Variants in PKD1L1 observed in about 807,000 individuals in gnomAD.
PKD1L1 encodes polycystin-1-like protein 1.
In PKD1L1, 236 loss-of-function variants were observed where a neutral mutation model predicts 323.4. The ratio of observed to expected loss-of-function variants is 0.73; its 90% CI spans 0.66 to 0.81. The LOEUF is 0.81. Ranked by LOEUF, PKD1L1 falls within the 40% of genes least tolerant of loss-of-function variation. PKD1L1 has a pLI of 0.00. For synonymous variants in PKD1L1, 1,344 were observed against 1,335.0 expected (o/e 1.01, Z -0.15); for missense variants, 3,320 against 3,508.0 (o/e 0.95, Z 1.35).
intron 54 of PKD1L1, among the ~76,000 whole-genome samples, chr7:47,796,949 G>T (rs868782560): frequency 6.7e-6 from 1 of 149,280 alleles, no homozygotes; most frequent in African/African-American, 2.5e-5. Flanking sequence ...GCAGTGAGCA[G>T]AGATTGCGCC....
intron 4 of PKD1L1, among the ~76,000 whole-genome samples, chr7:47,934,549 C>T (rs1050450882): frequency 7.9e-5 from 12 of 152,248 alleles, no homozygotes; most frequent in Admixed American, 4.6e-4. Context: ...CCTTTTATAT[C>T]CCTTTAGTTC....
chr7:47,830,404 G>C (rs976839946), intron 42 of PKD1L1, among the ~76,000 whole-genome samples: 2 of 152,244 alleles, frequency 1.3e-5, no homozygotes, highest in Admixed American at 6.5e-5. Flanking sequence ...AGAGGGGAAG[G>C]GGGAGGAAAA....
At position 47,871,794 on chromosome 7, in the gene PKD1L1, T is replaced by G. The variant is rs533574354; in HGVS notation, c.3896+2105A>C. On this transcript the variant is annotated intron_variant, in intron 24 of 56. Transcript: ENST00000289672. The stretch of plus-strand genomic sequence containing the variant: ...CATCCTCAATCTGATAACGGTTGTC[T>G]GTGAACGACCTCTAGCTAATATTAA... Among the ~76,000 whole-genome samples, 84 of 152,336 alleles carry G rather than the reference T, an allele frequency of 5.5e-4. 1 individual carries two copies. In the South Asian group the frequency reaches 0.016, roughly 30 times the overall value.
rs1301113252 is a variant in PKD1L1, at chr7:47,919,790, GA to G, written c.1061-4192del. On this transcript the variant is annotated intron_variant, in intron 7 of 56. Transcript: ENST00000289672. ...TCACATGATCATCTCAATAGATGCA[GA>G]AAAAGCATTCAACAAAATCCAGCAT... 3.3e-5 allele frequency among the ~76,000 whole-genome samples: 5 copies of G among 152,254 alleles called. No homozygotes were observed. In the East Asian group the frequency reaches 9.6e-4, roughly 29 times the overall value.
chr7:47,919,261 A>G (rs1787489633), intron 7 of PKD1L1, among the ~76,000 whole-genome samples: 1 of 152,176 alleles, frequency 6.6e-6, no homozygotes, highest in African/African-American at 2.4e-5. Flanking sequence ...ACACACATAA[A>G]CTAGAAAACC....
chr7:47,920,966 C>T (rs1302153563), intron 7 of PKD1L1, among the ~76,000 whole-genome samples: 1 of 152,138 alleles, frequency 6.6e-6, no homozygotes, highest in Non-Finnish European at 1.5e-5. Flanking sequence ...AAAAACCCTT[C>T]TAGACATTGG....
the PKD1L1 span, among the ~76,000 whole-genome samples, chr7:47,959,865 G>A: frequency 1.3e-5 from 2 of 151,234 alleles, no homozygotes; most frequent in African/African-American, 4.8e-5. Flanking sequence ...CCGTCTGGGA[G>A]GTGTACCCAA....
chr7:47,814,781 G>A (rs1482711314), intron 47 of PKD1L1, among the ~76,000 whole-genome samples: 1 of 152,144 alleles, frequency 6.6e-6, no homozygotes, highest in Non-Finnish European at 1.5e-5. Flanking sequence ...CAAAGTGCTG[G>A]GATTACAGGT....
chr7:47,832,994 T>A, intron 41 of PKD1L1, 96 bp downstream of exon 41: 3 of 1,444,698 alleles, frequency 2.1e-6, no homozygotes, highest in Non-Finnish European at 2.8e-6. Flanking sequence ...TCAGTGACAT[T>A]TGGCCCAATT....
chr7:47,855,875 C>CAAAA lies in PKD1L1; in HGVS notation c.4591-614_4591-611dup, dbSNP rs536157879. Among the ~76,000 whole-genome samples, 272 of 32,512 alleles carry CAAAA rather than the reference C, an allele frequency of 8.4e-3. 4 individuals carry two copies. Among genetic ancestry groups the CAAAA allele is most frequent in the Middle Eastern group, 0.028 (1 of 36 alleles). 21.3% of individuals were successfully genotyped at this position (32,512 alleles called of 152,430 possible). On this transcript the variant is annotated intron_variant, in intron 28 of 56. Transcript: ENST00000289672. ...TGGGCGACAGAGCGAGACTCCGTCT[C>CAAAA]AAAAAAAAAAAAAAAAAAAAAAAAA...
At chr7:47,847,428 C>A (rs147131850) in intron 31 of PKD1L1, among the ~76,000 whole-genome samples, 1 of 152,196 alleles carries the variant, frequency 6.6e-6, no homozygotes, top group Non-Finnish European at 1.5e-5. Context: ...TCTTTAGCTG[C>A]CATTCAAGCC....
intron 2 of PKD1L1, among the ~76,000 whole-genome samples, chr7:47,943,162 AAAT>A (rs56087873): frequency 1.3e-4 from 3 of 22,626 alleles, no homozygotes; most frequent in South Asian, 1.2e-3. Context: ...AAAAAAAAAA[AAAT>A]ATATATATAT....
In PKD1L1 at chr7:47,898,031, G is replaced by A. The variant is rs767928337; in HGVS notation, c.2228C>T (p.Pro743Leu). 1.1e-5 allele frequency: 18 copies of A among 1,612,266 alleles called. No individual in the cohort carries two copies. The East Asian group carries it at 3.4e-4, about 30-fold the overall frequency. ...VDTHRQTLILPSHTLEYGNYT... is the reference protein window; with the variant it reads ...VDTHRQTLILLSHTLEYGNYT... Reference sequence around the variant, plus strand: ...GTTCCCATACTCCAAGGTGTGGCTCGGGAGGATGAGGGTCTGTCTGTGAGT... The same window carrying A: ...GTTCCCATACTCCAAGGTGTGGCTCAGGAGGATGAGGGTCTGTCTGTGAGT... Residue 743 changes from proline to leucine, a missense_variant, in exon 14 of 57, where the codon CCG becomes CTG. Pro to Leu is a moderately conservative substitution (Grantham distance 98, BLOSUM62 -3). Transcript: ENST00000289672.
Position 47,858,829 on chromosome 7 carries a change from T to G in PKD1L1, c.4206A>C (p.Gln1402His), listed in dbSNP as rs777582585. 1.2e-6 allele frequency: 2 copies of G among 1,613,996 alleles called. No individual in the cohort carries two copies. The highest frequency in any genetic ancestry group is 1.3e-5 in the African/African-American group (1 of 74,902). ...ILKYTRALLA[Q>H]GQFSGPFVID... Reference sequence around the variant, plus strand: ...TCACAAATGGCCCCGAGAACTGGCCTTGAGCAAGGAGTGCCCGGGTGTACT... The same window carrying G: ...TCACAAATGGCCCCGAGAACTGGCCGTGAGCAAGGAGTGCCCGGGTGTACT... Residue 1402 changes from glutamine to histidine, a missense_variant, in exon 27 of 57, where the codon CAA becomes CAC. Gln to His is a conservative substitution (Grantham distance 24). Transcript: ENST00000289672.
intron 2 of PKD1L1, among the ~76,000 whole-genome samples, chr7:47,943,156 AAAAAAAAATATAT>A (rs1788025122): frequency 1.6e-5 from 1 of 62,042 alleles, no homozygotes; most frequent in Non-Finnish European, 3.0e-5. Flanking sequence ...AAAAAAAAAA[AAAAAAAAATATAT>A]ATATATATAT....
rs1397706647 is a variant in PKD1L1 at position 47,829,510 on chromosome 7, T to A, written c.6650A>T (p.Asp2217Val). ...CCAGGAACGTTCTGCCAATTCAGAG[T>A]CCAGATCCCTGGTAGCCTCACATAA... is the stretch of plus-strand genomic sequence containing the variant. The part of the protein sequence containing the change: ...ESLCEATRDL[D>V]SELAERSWTR... The change falls in exon 44 of 57, where the codon GAC becomes GTC. Residue 2217 changes from aspartate (D) to valine (V), a missense_variant. Asp to Val is a radical substitution (Grantham distance 152, BLOSUM62 -3). Coordinates refer to ENST00000289672, the MANE Select transcript of PKD1L1 (RefSeq NM_138295.5). 4 of 1,613,988 alleles carry A rather than the reference T, an allele frequency of 2.5e-6. No individual in the cohort carries two copies. Among genetic ancestry groups the A allele is most frequent in the Non-Finnish European group, 3.4e-6 (4 of 1,179,978 alleles).
At chr7:47,890,364 G>A (rs569270236) in intron 16 of PKD1L1, among the ~76,000 whole-genome samples, 178 bp downstream of exon 16, 22 of 152,318 alleles carry the variant, frequency 1.4e-4, no homozygotes, top group African/African-American at 3.8e-4. Flanking sequence ...GCCCGAGAGC[G>A]GGGACTGCTT....
At chr7:47,923,827 G>A (rs1296735912) in intron 7 of PKD1L1, among the ~76,000 whole-genome samples, 1 of 152,102 alleles carries the variant, frequency 6.6e-6, no homozygotes, top group Non-Finnish European at 1.5e-5. Flanking sequence ...ATTCAAGAAT[G>A]AGTCAATAAG....
intron 46 of PKD1L1, among the ~76,000 whole-genome samples, chr7:47,820,171 C>CA (rs913314124): frequency 1.0e-3 from 153 of 151,742 alleles, no homozygotes; most frequent in Admixed American, 3.3e-3. Flanking sequence ...GAACAACTCT[C>CA]AAAAAAAAGA....
Sources: gnomAD v4.1 joint callset for allele counts (sites outside exome capture counted in the v4.1 genomes callset) on GRCh38, gnomAD v4.1.1 for gene constraint, MANE v1.5 for transcripts, NCBI Gene and HGNC (gene_info 2026-07-23, HGNC 2026-07-21) for gene names.